Variants in AMBRA1 observed in about 807,000 individuals in gnomAD.
AMBRA1 encodes the protein autophagy and beclin 1 regulator 1.
In AMBRA1, 47 loss-of-function variants were observed where a neutral mutation model predicts 125.4. The observed-to-expected ratio is 0.37, with a 90% CI of 0.30 to 0.48. The LOEUF is 0.48. AMBRA1 is among the 20% of genes least tolerant of loss of function. AMBRA1 has a pLI of 0.99. For missense variants in AMBRA1, 1,331 were observed against 1,693.4 expected, an observed-to-expected ratio of 0.79 and a Z score of 3.76; for synonymous variants, 626 against 655.5, an observed-to-expected ratio of 0.95 and a Z score of 0.69.
chr11:46,528,832 A>G (rs1952091561), intron 7 of AMBRA1, among the ~76,000 whole-genome samples: 1 of 152,202 alleles, frequency 6.6e-6, no homozygotes, highest in Non-Finnish European at 1.5e-5. Flanking sequence ...AGAAAAGATA[A>G]ACGCCACCTT....
rs766521795 is a variant in AMBRA1, at chr11:46,470,588, C to CAAAAA, written c.2521+23015_2521+23019dup. 6.0e-4 allele frequency among the ~76,000 whole-genome samples: 32 copies of CAAAAA among 53,436 alleles called. 1 individual carries two copies. Among genetic ancestry groups the CAAAAA allele is most frequent in the African/African-American group, 2.3e-3 (32 of 14,146 alleles). 35.1% of individuals were successfully genotyped at this position (53,436 alleles called of 152,430 possible). A position where few individuals can be genotyped will look rare whatever the true frequency, so the allele number is the denominator to read the frequency against. On this transcript the variant is annotated intron_variant, in intron 11 of 17. Transcript: ENST00000683756. ...TGGGCGACAGAGTGAGACTCCGTCT[C>CAAAAA]AAAAAAAAAAAAAAAAAAAAAAAAT... is the stretch of plus-strand genomic sequence containing the variant.
intron 11 of AMBRA1, among the ~76,000 whole-genome samples, chr11:46,480,399 G>A (rs571568899): frequency 3.9e-5 from 6 of 152,168 alleles, no homozygotes; most frequent in Non-Finnish European, 8.8e-5. Context: ...AATTGGACTC[G>A]CAGAATTGTG....
At chr11:46,459,396 A>C (rs926301751) in intron 11 of AMBRA1, among the ~76,000 whole-genome samples, 1 of 152,150 alleles carries the variant, frequency 6.6e-6, no homozygotes, top group Non-Finnish European at 1.5e-5. Context: ...TTACTTTATA[A>C]ATTTTAAAAG....
intron 7 of AMBRA1, among the ~76,000 whole-genome samples, chr11:46,539,759 A>G (rs1952646548): frequency 6.6e-6 from 1 of 152,146 alleles, no homozygotes; most frequent in Non-Finnish European, 1.5e-5. Context: ...GTCGTTGTTG[A>G]AGGCAGAAGG....
chr11:46,482,898 A>C (rs751822134), intron 11 of AMBRA1, among the ~76,000 whole-genome samples: 1 of 151,738 alleles, frequency 6.6e-6, no homozygotes, highest in African/African-American at 2.4e-5. Flanking sequence ...AGTTCCAGCT[A>C]CTCAGGACGC....
At position 46,491,949 on chromosome 11, in the gene AMBRA1, G is replaced by A. The variant is rs541684290; in HGVS notation, c.2521+1659C>T. Among the ~76,000 whole-genome samples the A allele has an allele frequency of 7.9e-5, 12 of 152,348 alleles. No individual in the cohort carries two copies. The South Asian group carries it at 1.0e-3, about 13-fold the overall frequency. On this transcript the variant is annotated intron_variant, in intron 11 of 17. Coordinates refer to ENST00000683756, the MANE Select transcript of AMBRA1 (RefSeq NM_001387011.1). ...AATGCCAAGGAAACAGAGATCTGCC[G>A]GCAGTAGAGAAGCAGGAGGTGCTGT...
chr11:46,586,055 C>T (rs1417598237), intron 1 of AMBRA1, among the ~76,000 whole-genome samples: 1 of 152,052 alleles, frequency 6.6e-6, no homozygotes, highest in East Asian at 1.9e-4. Context: ...CCACCCGCCT[C>T]AGCCTCCCAA....
At chr11:46,522,311 G>GT (rs1292256396) in intron 7 of AMBRA1, among the ~76,000 whole-genome samples, 1 of 152,186 alleles carries the variant, frequency 6.6e-6, no homozygotes, top group Non-Finnish European at 1.5e-5. Context: ...CACTATAGTT[G>GT]TAAGACTTGA....
chr11:46,575,602 C>T (rs973471427), intron 1 of AMBRA1, among the ~76,000 whole-genome samples: 4 of 149,868 alleles, frequency 2.7e-5, no homozygotes, highest in South Asian at 2.1e-4. Context: ...CTGCAACCTC[C>T]GCCTCCTGGG....
chr11:46,528,391 G>A (rs1450089160), intron 7 of AMBRA1, among the ~76,000 whole-genome samples: 3 of 152,116 alleles, frequency 2.0e-5, no homozygotes, highest in Non-Finnish European at 2.9e-5. Context: ...GGCTGGTCTC[G>A]AACACCTGAC....
At chr11:46,423,914 C>T (rs1946986389) in intron 14 of AMBRA1, among the ~76,000 whole-genome samples, 1 of 152,028 alleles carries the variant, frequency 6.6e-6, no homozygotes, top group Admixed American at 6.5e-5. Context: ...CAGGCATGGG[C>T]CACCACGCCT....
At chr11:46,439,980 A>T (rs1348625033) in intron 12 of AMBRA1, among the ~76,000 whole-genome samples, 6 of 152,120 alleles carry the variant, frequency 3.9e-5, no homozygotes, top group Non-Finnish European at 8.8e-5. Context: ...TATCAGCAAG[A>T]GTTTATGAAA....
At chr11:46,590,825 A>T (rs898796271) in intron 1 of AMBRA1, among the ~76,000 whole-genome samples, 1 of 151,624 alleles carries the variant, frequency 6.6e-6, no homozygotes, top group Non-Finnish European at 1.5e-5. Context: ...AGGCAGGAGA[A>T]TTGCTTCAAT....
At chr11:46,452,301 T>C (rs974602140) in intron 11 of AMBRA1, among the ~76,000 whole-genome samples, 1 of 152,200 alleles carries the variant, frequency 6.6e-6, no homozygotes, top group African/African-American at 2.4e-5. Context: ...TAGTGTCTTA[T>C]GTACATTTTA....
chr11:46,574,969 A>G (rs1202378872), intron 1 of AMBRA1, among the ~76,000 whole-genome samples: 1 of 152,192 alleles, frequency 6.6e-6, no homozygotes, highest in Non-Finnish European at 1.5e-5. Context: ...CTTCCTCTTT[A>G]TCTACAGTGT....
At chr11:46,588,196 G>A (rs1319874842) in intron 1 of AMBRA1, among the ~76,000 whole-genome samples, 1 of 152,050 alleles carries the variant, frequency 6.6e-6, no homozygotes, top group Non-Finnish European at 1.5e-5. Flanking sequence ...GCTGGGCCTG[G>A]TGGCACGTGT....
chr11:46,475,459 C>T (rs1186191599), intron 11 of AMBRA1, among the ~76,000 whole-genome samples: 2 of 152,216 alleles, frequency 1.3e-5, no homozygotes, highest in Admixed American at 6.5e-5. Flanking sequence ...TATTAGTTTG[C>T]TGTATTCTTT....
intron 11 of AMBRA1, among the ~76,000 whole-genome samples, chr11:46,486,200 T>C (rs1338108479): frequency 2.0e-5 from 3 of 152,248 alleles, no homozygotes; most frequent in African/African-American, 4.8e-5. Context: ...TGAGTTGGAA[T>C]GTGCCACTCA....
At chr11:46,457,517 T>A (rs1277941701) in intron 11 of AMBRA1, among the ~76,000 whole-genome samples, 6 of 152,230 alleles carry the variant, frequency 3.9e-5, no homozygotes, top group African/African-American at 9.6e-5. Flanking sequence ...AGCATCTGGC[T>A]GACTTGGTTA....
Sources: gnomAD v4.1 joint callset for allele counts (sites outside exome capture counted in the v4.1 genomes callset) on GRCh38, gnomAD v4.1.1 for gene constraint, MANE v1.5 for transcripts, NCBI Gene and HGNC (gene_info 2026-07-23, HGNC 2026-07-21) for gene names.